The following MS4A18 variants were observed in gnomAD, a reference collection of about 807,000 sequenced individuals.
MS4A18 encodes membrane spanning 4-domains A18.
In MS4A18, 27 loss-of-function variants were observed where a neutral mutation model predicts 13.1. The ratio of observed to expected loss-of-function variants is 2.06; its 90% CI spans 1.52 to 2.84. The LOEUF (loss-of-function observed/expected upper bound fraction) is 2.84, where lower values mean the gene tolerates loss of function less well. MS4A18 is among the 30% of genes most tolerant of loss of function. The pLI, the probability that MS4A18 is intolerant of heterozygous loss-of-function variation, is 0.00. For missense variants in MS4A18, 307 were observed against 196.4 expected (o/e 1.56, Z -3.37); for synonymous variants, 126 against 76.5 (o/e 1.65, Z -3.38).
upstream of MS4A18, among the ~76,000 whole-genome samples, chr11:60,728,681 G>A (rs183542958): frequency 3.3e-5 from 5 of 150,394 alleles, 1 homozygote; most frequent in East Asian, 5.9e-4. Context: ...CTTCCCTCTC[G>A]CTCTCTCTTT....
rs1229524120 is a variant in MS4A18 at position 60,743,499 on chromosome 11, C to A, written c.859-151C>A. The A allele has an allele frequency of 1.8e-5, 11 of 618,764 alleles. No homozygotes were observed. The East Asian group carries it at 1.9e-4, about 11-fold the overall frequency. 38.3% of individuals were successfully genotyped at this position (618,764 alleles called of 1,614,324 possible). ...TGTACAGATCATATTTACTGTTGCC[C>A]CCTTGGCCAAAGAAAGTCACATGAC... is the stretch of plus-strand genomic sequence containing the variant. On this transcript the variant is annotated intron_variant, in intron 5 of 5. Transcript: ENST00000529108.
chr11:60,732,612 T>C (rs1853272649), intron 1 of MS4A18, among the ~76,000 whole-genome samples: 1 of 151,012 alleles, frequency 6.6e-6, no homozygotes, highest in Non-Finnish European at 1.5e-5. Flanking sequence ...GCACATGTAT[T>C]CCCAGCTACT....
intron 5 of MS4A18, among the ~76,000 whole-genome samples, chr11:60,741,901 A>G (rs1853419311): frequency 6.6e-6 from 1 of 152,224 alleles, no homozygotes. Context: ...TTCTTGATCC[A>G]GAAACCATGA....
chr11:60,735,444 C>T (rs1590963590), intron 2 of MS4A18, among the ~76,000 whole-genome samples: 1 of 150,678 alleles, frequency 6.6e-6, no homozygotes, highest in African/African-American at 2.4e-5. Context: ...CGCCATTCTC[C>T]TGCCTCAGCC....
chr11:60,735,051 G>A (rs1453056012), intron 2 of MS4A18, among the ~76,000 whole-genome samples: 2 of 152,116 alleles, frequency 1.3e-5, no homozygotes, highest in African/African-American at 4.8e-5. Context: ...CTAAAGCGCT[G>A]GGATTACAGG....
intron 3 of MS4A18, among the ~76,000 whole-genome samples, chr11:60,737,604 C>T (rs1387510295): frequency 2.0e-5 from 3 of 152,200 alleles, no homozygotes; most frequent in African/African-American, 7.2e-5. Context: ...GGCATTTATT[C>T]TCTGTCTCAG....
chr11:60,738,902 G>C, exon 4 of MS4A18: 1 of 703,238 alleles, frequency 1.4e-6, no homozygotes, highest in Non-Finnish European at 2.6e-6. Context: ...TCTCCTGCAG[G>C]TGAACAGCAG....
intron 4 of MS4A18, among the ~76,000 whole-genome samples, chr11:60,740,469 G>A (rs1363680962): frequency 6.6e-6 from 1 of 152,178 alleles, no homozygotes; most frequent in African/African-American, 2.4e-5. Context: ...CTGGAAGAGG[G>A]CTGAGAAAGC....
At chr11:60,728,635 G>A (rs1853203552), upstream of MS4A18, among the ~76,000 whole-genome samples, 1 of 151,742 alleles carries the variant, frequency 6.6e-6, no homozygotes, top group South Asian at 2.1e-4. Flanking sequence ...CTCTGCGTGT[G>A]TGTCTGTCTG....
At chr11:60,730,512 T>A (rs1853238020) in intron 1 of MS4A18, among the ~76,000 whole-genome samples, 2 of 152,120 alleles carry the variant, frequency 1.3e-5, no homozygotes, top group Non-Finnish European at 2.9e-5. Flanking sequence ...TGAAGGAGGG[T>A]CTTTGTTCAT....
chr11:60,743,706 C>T, exon 6 of MS4A18: 1 of 703,054 alleles, frequency 1.4e-6, no homozygotes, highest in South Asian at 1.5e-5. Flanking sequence ...CCACCACCAG[C>T]CCTGTCAATG....
chr11:60,744,104 C>T (rs745530813), exon 6 of MS4A18: 13 of 616,616 alleles, frequency 2.1e-5, no homozygotes, highest in Non-Finnish European at 3.2e-5. Flanking sequence ...TGACCCTAGC[C>T]TTGTTGCCAG....
chr11:60,735,536 A>C (rs1351931933), intron 2 of MS4A18, among the ~76,000 whole-genome samples: 1 of 137,290 alleles, frequency 7.3e-6, no homozygotes, highest in African/African-American at 2.8e-5. Flanking sequence ...TTTTTAGTAG[A>C]GACAGGGTTT....
At chr11:60,734,623 C>T (rs1392994901) in intron 2 of MS4A18, among the ~76,000 whole-genome samples, 2 of 151,970 alleles carry the variant, frequency 1.3e-5, no homozygotes, top group African/African-American at 2.4e-5. Flanking sequence ...TGGTCAAATT[C>T]ATAAAGATAG....
intron 1 of MS4A18, among the ~76,000 whole-genome samples, chr11:60,731,416 A>G (rs969499825): frequency 2.6e-5 from 4 of 152,220 alleles, no homozygotes; most frequent in Admixed American, 1.3e-4. Context: ...ATCAATTACA[A>G]TTTTGTTTGG....
upstream of MS4A18, among the ~76,000 whole-genome samples, chr11:60,725,130 T>C (rs1226163175): frequency 6.6e-6 from 1 of 152,228 alleles, no homozygotes; most frequent in Non-Finnish European, 1.5e-5. Flanking sequence ...CACACTGTGA[T>C]CAGGTCTACT....
At chr11:60,731,043 G>A (rs1008528485) in intron 1 of MS4A18, among the ~76,000 whole-genome samples, 4 of 151,992 alleles carry the variant, frequency 2.6e-5, no homozygotes, top group African/African-American at 7.3e-5. Context: ...GCAGTGAGCC[G>A]AGACAGCGCC....
chr11:60,739,606 C>T (rs902664522), intron 4 of MS4A18, among the ~76,000 whole-genome samples: 2 of 152,142 alleles, frequency 1.3e-5, no homozygotes, highest in African/African-American at 4.8e-5. Flanking sequence ...TTAGCTACAC[C>T]CTGTCCTGGA....
At chr11:60,738,794 C>G in intron 3 of MS4A18, 108 bp from the exon 5 acceptor site, 1 of 620,656 alleles carries the variant, frequency 1.6e-6, no homozygotes, top group Non-Finnish European at 2.9e-6. Flanking sequence ...CTGGCCAACT[C>G]TTTTCTGCCC....
Sources: allele counts gnomAD v4.1 joint callset (sites outside exome capture counted in the v4.1 genomes callset), GRCh38; gene constraint gnomAD v4.1.1; transcripts MANE v1.5; gene names NCBI Gene and HGNC (gene_info 2026-07-23, HGNC 2026-07-21).